Variants in NUDT3 observed in about 807,000 individuals in gnomAD.
The protein encoded by NUDT3 is nudix hydrolase 3.
A neutral mutation model predicts 23.6 loss-of-function variants in NUDT3; 9 were observed. The observed-to-expected ratio is 0.38, with a 90% confidence interval of 0.23 to 0.66. The LOEUF is 0.66. NUDT3 is among the 30% of genes least tolerant of loss of function. The pLI, the probability that NUDT3 is intolerant of heterozygous loss-of-function variation, is 0.52. For synonymous variants in NUDT3, 86 were observed against 82.6 expected (o/e 1.04, Z -0.22); for missense variants, 172 against 218.5 (o/e 0.79, Z 1.34).
intron 1 of NUDT3, among the ~76,000 whole-genome samples, chr6:34,386,843 G>A (rs1207633561): frequency 2.6e-5 from 4 of 152,240 alleles, no homozygotes; most frequent in African/African-American, 4.8e-5. Flanking sequence ...AGCTGAGCAC[G>A]GTGGCTCATG....
Position 34,285,402 on chromosome 6 carries a change from A to G in NUDT3, c.*3351T>C, listed in dbSNP as rs1202818226. 2 of 152,220 alleles carry G rather than the reference A, an allele frequency of 1.3e-5. No individual in the cohort carries two copies. The highest frequency in any genetic ancestry group is 3.8e-4 in the East Asian group (2 of 5,196). 9.4% of individuals were successfully genotyped at this position (152,220 alleles called of 1,614,324 possible). ...AGTGTTTCCCCAATGACTGTAATTTATAAACTAAAAATTTTTACAAATCCA... is the reference window on the plus strand; with the variant it reads ...AGTGTTTCCCCAATGACTGTAATTTGTAAACTAAAAATTTTTACAAATCCA... On this transcript the variant is annotated 3_prime_UTR_variant, in exon 5 of 5. Transcript: ENST00000607016.
chr6:34,290,737 G>C (rs1007383838), intron 4 of NUDT3, among the ~76,000 whole-genome samples: 1 of 146,142 alleles, frequency 6.8e-6, no homozygotes, highest in Non-Finnish European at 1.5e-5. Context: ...ATCTAGTATG[G>C]ATGTATTATC....
chr6:34,320,745 A>AG (rs1329552791), intron 2 of NUDT3, among the ~76,000 whole-genome samples: 3 of 152,092 alleles, frequency 2.0e-5, no homozygotes, highest in African/African-American at 7.2e-5. Context: ...CTGAGGTGGG[A>AG]GGATCACCTG....
chr6:34,298,073 C>G (rs964085208), intron 2 of NUDT3, among the ~76,000 whole-genome samples: 46 of 151,614 alleles, frequency 3.0e-4, no homozygotes, highest in Admixed American at 1.7e-3. Flanking sequence ...TAATTTAAAA[C>G]TTGTTTGGCT....
intron 2 of NUDT3, among the ~76,000 whole-genome samples, chr6:34,326,725 C>T (rs169584): frequency 0.31 from 46,711 of 151,754 alleles, 8,784 homozygotes; most frequent in African/African-American, 0.49. Flanking sequence ...CTCAGCCTCC[C>T]GACTAACTGG....
At chr6:34,316,868 A>C (rs1763869412) in intron 2 of NUDT3, among the ~76,000 whole-genome samples, 3 of 152,118 alleles carry the variant, frequency 2.0e-5, no homozygotes, top group African/African-American at 7.2e-5. Context: ...GAGTGACATG[A>C]TCTGATCTGG....
At chr6:34,329,646 TA>T (rs995081687) in intron 2 of NUDT3, among the ~76,000 whole-genome samples, 18 of 151,968 alleles carry the variant, frequency 1.2e-4, no homozygotes, top group African/African-American at 4.3e-4. Flanking sequence ...AGAAGATACT[TA>T]AAAAAAAATT....
chr6:34,296,293 G>A (rs1447645306), intron 2 of NUDT3, among the ~76,000 whole-genome samples: 5 of 150,942 alleles, frequency 3.3e-5, no homozygotes, highest in Non-Finnish European at 7.4e-5. Flanking sequence ...TAATTAATTG[G>A]TTGGGTACTA....
chr6:34,314,177 TTTTGGGAGG>T (rs1369693539), intron 2 of NUDT3, among the ~76,000 whole-genome samples: 3 of 145,112 alleles, frequency 2.1e-5, no homozygotes, highest in Non-Finnish European at 3.0e-5. Flanking sequence ...AATCCCAGCA[TTTTGGGAGG>T]CCAAGGCGGG....
At position 34,353,512 on chromosome 6, in the gene NUDT3, T is replaced by C. The variant is rs556392388; in HGVS notation, c.100-11540A>G. The stretch of plus-strand genomic sequence containing the variant: ...CAACTCCGGGGTTCAAACGATTCTC[T>C]TACCTCAGCCTCCCGAGTAGCTGGG... On this transcript the variant is annotated intron_variant, in intron 1 of 4. Transcript: ENST00000607016. Among the ~76,000 whole-genome samples the C allele has an allele frequency of 8.6e-5, 13 of 151,872 alleles. No homozygotes were observed. The South Asian group carries it at 2.7e-3, about 32-fold the overall frequency.
intron 2 of NUDT3, among the ~76,000 whole-genome samples, chr6:34,297,661 C>T (rs1482438399): frequency 2.7e-5 from 4 of 145,458 alleles, no homozygotes; most frequent in Non-Finnish European, 4.5e-5. Flanking sequence ...CCTCAGCCTC[C>T]TGAGTAGCTG....
chr6:34,345,116 T>C (rs1362436215), intron 1 of NUDT3, among the ~76,000 whole-genome samples: 3 of 151,690 alleles, frequency 2.0e-5, no homozygotes, highest in Non-Finnish European at 2.9e-5. Context: ...TGGTGCAACT[T>C]TGGCTCACTG....
intron 1 of NUDT3, among the ~76,000 whole-genome samples, chr6:34,354,080 G>A (rs1485527799): frequency 6.6e-6 from 1 of 150,862 alleles, no homozygotes; most frequent in East Asian, 2.0e-4. Context: ...ATCAAGCCCG[G>A]CTAATTTTTA....
At chr6:34,391,213 G>C (rs3798564) in intron 1 of NUDT3, among the ~76,000 whole-genome samples, 13,489 of 152,034 alleles carry the variant, frequency 0.089, 1,350 homozygotes, top group East Asian at 0.45. Context: ...TCCCCATTTC[G>C]ACACTGCACT....
chr6:34,369,444 T>C (rs1344731193), intron 1 of NUDT3, among the ~76,000 whole-genome samples: 2 of 152,230 alleles, frequency 1.3e-5, no homozygotes, highest in Admixed American at 1.3e-4. Context: ...TTAAGACTTG[T>C]GTCAGACTTT....
At chr6:34,354,749 A>ATATATATATATATATATATTTATT (rs570166534) in intron 1 of NUDT3, among the ~76,000 whole-genome samples, 1,451 of 144,372 alleles carry the variant, frequency 0.01, 14 homozygotes, top group Non-Finnish European at 0.015. Flanking sequence ...ATATATATAT[A>ATATATATATATATATATATTTATT]TATTTATTTA....
chr6:34,300,778 T>A lies in NUDT3; in HGVS notation c.211-5093A>T, dbSNP rs3798553. Among the ~76,000 whole-genome samples the A allele has an allele frequency of 8.8e-4, 134 of 152,324 alleles. No homozygotes were observed. In the East Asian group the frequency reaches 0.011, roughly 12 times the overall value. On this transcript the variant is annotated intron_variant, in intron 2 of 4. Coordinates refer to ENST00000607016, the MANE Select transcript of NUDT3 (RefSeq NM_006703.4). The stretch of plus-strand genomic sequence containing the variant: ...AAGCCACTTTTAGTCAGGTGTTCTG[T>A]TATTATTCGTAGCTGAAAGGTTCCT...
intron 4 of NUDT3, among the ~76,000 whole-genome samples, chr6:34,290,153 GGCTGCTAAAAGAA>G (rs1763396472): frequency 1.3e-5 from 2 of 152,118 alleles, no homozygotes; most frequent in Admixed American, 6.6e-5. Context: ...AAGAGTAACT[GGCTGCTAAAAGAA>G]TGTGCTGCTG....
chr6:34,303,977 G>A (rs1197264822), intron 2 of NUDT3, among the ~76,000 whole-genome samples: 3 of 152,198 alleles, frequency 2.0e-5, no homozygotes, highest in Non-Finnish European at 2.9e-5. Context: ...ACGAGGCCAG[G>A]CGCAGTGGCT....
Sources: allele counts gnomAD v4.1 joint callset (sites outside exome capture counted in the v4.1 genomes callset), GRCh38; gene constraint gnomAD v4.1.1; transcripts MANE v1.5; gene names NCBI Gene and HGNC (gene_info 2026-07-23, HGNC 2026-07-21).